The following FRMD3 variants were observed in gnomAD, a reference collection of about 807,000 sequenced individuals.
The protein encoded by FRMD3 is FERM domain-containing protein 3.
Under a neutral mutation model 70.2 loss-of-function variants are expected in FRMD3, and 33 were observed. That is an observed-to-expected ratio of 0.47 (90% CI 0.36 to 0.63). The LOEUF (loss-of-function observed/expected upper bound fraction) is 0.63. FRMD3 is among the 20% of genes least tolerant of loss of function. The pLI is 0.00. For missense variants in FRMD3, 632 were observed against 711.4 expected, an observed-to-expected ratio of 0.89 and a Z score of 1.27; for synonymous variants, 279 against 255.9, an observed-to-expected ratio of 1.09 and a Z score of -0.86.
chr9:83,288,324 A>G (rs1270237394), intron 13 of FRMD3, among the ~76,000 whole-genome samples: 1 of 152,222 alleles, frequency 6.6e-6, no homozygotes, highest in African/African-American at 2.4e-5. Context: ...GGTATCCAGA[A>G]CACAGAGCTA....
upstream of FRMD3, among the ~76,000 whole-genome samples, chr9:83,542,171 G>C (rs1830007298): frequency 6.6e-6 from 1 of 152,126 alleles, no homozygotes; most frequent in African/African-American, 2.4e-5. Context: ...CAATGGGTGA[G>C]ATTAATTAGT....
chr9:83,313,709 A>G lies in FRMD3; in HGVS notation c.635T>C (p.Leu212Pro). 1 of 1,614,170 alleles carries G rather than the reference A, an allele frequency of 6.2e-7. No individual in the cohort carries two copies. The part of the protein sequence containing the change: ...SPPVAEFNLL[L>P]KAHTLETYGV... ...GTAGGTTTCCAAAGTGTGAGCTTTC[A>G]GGAGCAAGTTAAATTCAGCAACTGG... The change falls in exon 7 of 14, where the codon CTG becomes CCG. Residue 212 changes from leucine to proline, a missense_variant. Physicochemically the swap from Leu to Pro is moderately conservative, Grantham distance 98. Coordinates refer to ENST00000304195, the MANE Select transcript of FRMD3 (RefSeq NM_174938.6).
upstream of FRMD3, among the ~76,000 whole-genome samples, chr9:83,541,916 C>A (rs895753304): frequency 3.3e-5 from 5 of 152,160 alleles, no homozygotes; most frequent in Admixed American, 2.0e-4. Flanking sequence ...CCCCCAAAGA[C>A]AACCAGAAAC....
chr9:83,272,316 C>T (rs1833590148), intron 13 of FRMD3, among the ~76,000 whole-genome samples: 1 of 152,076 alleles, frequency 6.6e-6, no homozygotes, highest in Non-Finnish European at 1.5e-5. Flanking sequence ...CTGTGTTGGC[C>T]GGGCTGGTCT....
At chr9:83,514,051 C>A (rs529528089) in intron 1 of FRMD3, among the ~76,000 whole-genome samples, 2 of 152,192 alleles carry the variant, frequency 1.3e-5, no homozygotes, top group African/African-American at 4.8e-5. Flanking sequence ...TGGGCAGACA[C>A]CGAGCTAGCT....
chr9:83,312,173 T>G (rs939680811), intron 7 of FRMD3, among the ~76,000 whole-genome samples, 198 bp from the exon 8 acceptor site: 1 of 152,204 alleles, frequency 6.6e-6, no homozygotes, highest in Non-Finnish European at 1.5e-5. Context: ...CAGGAATATG[T>G]AGCTTTTCCC....
At chr9:83,355,503 C>T (rs1192388219) in intron 3 of FRMD3, among the ~76,000 whole-genome samples, 4 of 152,158 alleles carry the variant, frequency 2.6e-5, no homozygotes, top group Non-Finnish European at 5.9e-5. Flanking sequence ...GGATGAGCCC[C>T]TGAGTTTTGA....
At chr9:83,512,265 A>C (rs996887955) in intron 1 of FRMD3, among the ~76,000 whole-genome samples, 1 of 152,180 alleles carries the variant, frequency 6.6e-6, no homozygotes, top group Admixed American at 6.5e-5. Context: ...TTAAGCCCCC[A>C]CAGTGTTCCA....
intron 2 of FRMD3, among the ~76,000 whole-genome samples, chr9:83,380,660 A>C (rs1201397361): frequency 6.6e-6 from 1 of 152,206 alleles, no homozygotes; most frequent in Admixed American, 6.6e-5. Context: ...TAAGACAAAA[A>C]AAATTGCATC....
chr9:83,387,984 G>A (rs533520860), intron 2 of FRMD3, among the ~76,000 whole-genome samples: 4 of 152,120 alleles, frequency 2.6e-5, no homozygotes, highest in Non-Finnish European at 5.9e-5. Flanking sequence ...CACCACACAC[G>A]CCCATCCCTG....
chr9:83,516,484 G>A (rs1829458064), intron 1 of FRMD3, among the ~76,000 whole-genome samples: 1 of 152,114 alleles, frequency 6.6e-6, no homozygotes, highest in Admixed American at 6.5e-5. Flanking sequence ...AGTTCTTAGA[G>A]AACTACAAAG....
At chr9:83,329,029 C>CT (rs1836138154) in intron 6 of FRMD3, among the ~76,000 whole-genome samples, 1 of 152,150 alleles carries the variant, frequency 6.6e-6, no homozygotes, top group African/African-American at 2.4e-5. Flanking sequence ...GGTAACATTG[C>CT]TTTTTCCCCC....
chr9:83,515,595 T>G (rs566868551), intron 1 of FRMD3, among the ~76,000 whole-genome samples: 1 of 152,074 alleles, frequency 6.6e-6, no homozygotes, highest in Non-Finnish European at 1.5e-5. Flanking sequence ...CAGGCCAACA[T>G]TCAAATTCAG....
intron 6 of FRMD3, among the ~76,000 whole-genome samples, chr9:83,334,167 G>A (rs372972251): frequency 2.6e-5 from 4 of 151,824 alleles, no homozygotes; most frequent in Admixed American, 6.6e-5. Context: ...CAAAAATATC[G>A]AACTTTATTT....
At chr9:83,310,363 A>G in intron 9 of FRMD3, 122 bp downstream of exon 9, 1 of 799,668 alleles carries the variant, frequency 1.3e-6, no homozygotes, top group Non-Finnish European at 2.1e-6. Context: ...TATAGCTTTC[A>G]TTATCACCAT....
intron 1 of FRMD3, among the ~76,000 whole-genome samples, chr9:83,472,818 CT>C (rs1389325907): frequency 6.6e-6 from 1 of 152,146 alleles, no homozygotes; most frequent in African/African-American, 2.4e-5. Context: ...TATAAAATAT[CT>C]TTTTCGATAG....
intron 13 of FRMD3, chr9:83,267,039 C>T (rs1164909352): frequency 2.6e-6 from 4 of 1,550,922 alleles, no homozygotes; most frequent in East Asian, 2.4e-5. Flanking sequence ...ACCTTGGAGC[C>T]GAGTCTCAGC....
intron 3 of FRMD3, among the ~76,000 whole-genome samples, chr9:83,353,919 A>C (rs148782416): frequency 0.015 from 2,328 of 150,296 alleles, 37 homozygotes; most frequent in South Asian, 0.036. Context: ...AACAGACAAA[A>C]ATTTTGTCTT....
chr9:83,253,717 A>G (rs548446843), intron 13 of FRMD3, among the ~76,000 whole-genome samples: 3 of 152,324 alleles, frequency 2.0e-5, no homozygotes, highest in South Asian at 2.1e-4. Flanking sequence ...CAATTCCTCA[A>G]GGATCTAGAA....
Sources: gnomAD v4.1 joint callset for allele counts (sites outside exome capture counted in the v4.1 genomes callset) on GRCh38, gnomAD v4.1.1 for gene constraint, MANE v1.5 for transcripts, NCBI Gene and HGNC (gene_info 2026-07-23, HGNC 2026-07-21) for gene names.